NXPH2: variants seen among roughly 807,000 people sequenced by gnomAD.
NXPH2 encodes neurexophilin-2.
A neutral mutation model predicts 19.8 loss-of-function variants in NXPH2; 5 were observed. The ratio of observed to expected loss-of-function variants is 0.25; its 90% CI spans 0.13 to 0.53. The LOEUF (loss-of-function observed/expected upper bound fraction) is 0.53. NXPH2 is among the 20% of genes least tolerant of loss of function. The pLI is 0.96. For synonymous variants in NXPH2, 154 were observed against 127.4 expected, an observed-to-expected ratio of 1.21 and a Z score of -1.41; for missense variants, 289 against 322.8, an observed-to-expected ratio of 0.90 and a Z score of 0.80.
At chr2:138,727,884 C>T (rs1057409461) in intron 1 of NXPH2, among the ~76,000 whole-genome samples, 1 of 152,130 alleles carries the variant, frequency 6.6e-6, no homozygotes, top group African/African-American at 2.4e-5. Context: ...AAGACAAAGG[C>T]AGACATTACT....
At chr2:138,719,598 T>C (rs977441845) in intron 1 of NXPH2, among the ~76,000 whole-genome samples, 1 of 152,248 alleles carries the variant, frequency 6.6e-6, no homozygotes, top group East Asian at 1.9e-4. Flanking sequence ...CAGGGAGCTA[T>C]GGCTCATGCC....
chr2:138,729,397 C>G (rs1681410532), intron 1 of NXPH2, among the ~76,000 whole-genome samples: 3 of 152,170 alleles, frequency 2.0e-5, no homozygotes, highest in Admixed American at 1.3e-4. Context: ...TCCCCTTTGG[C>G]CTTGACTGTA....
intron 1 of NXPH2, among the ~76,000 whole-genome samples, chr2:138,729,925 T>C (rs1024661058): frequency 1.3e-5 from 2 of 152,170 alleles, no homozygotes; most frequent in Non-Finnish European, 2.9e-5. Flanking sequence ...TACCACAGAC[T>C]GGGAGGCTTA....
At chr2:138,685,320 CTCTA>C (rs1164152944) in intron 1 of NXPH2, among the ~76,000 whole-genome samples, 1 of 152,150 alleles carries the variant, frequency 6.6e-6, no homozygotes, top group Non-Finnish European at 1.5e-5. Context: ...ATATCTACCT[CTCTA>C]TCTTACTGTT....
intron 1 of NXPH2, among the ~76,000 whole-genome samples, chr2:138,710,834 C>T (rs1346994745): frequency 3.3e-5 from 5 of 152,122 alleles, no homozygotes; most frequent in Admixed American, 2.0e-4. Context: ...ACCTCTGACT[C>T]CATAACTCAT....
At chr2:138,736,450 G>A (rs1177308472) in intron 1 of NXPH2, among the ~76,000 whole-genome samples, 1 of 152,194 alleles carries the variant, frequency 6.6e-6, no homozygotes, top group Non-Finnish European at 1.5e-5. Context: ...ATTTGACCCT[G>A]TCAGCCACAG....
chr2:138,719,209 T>TA (rs1681240238), intron 1 of NXPH2, among the ~76,000 whole-genome samples: 1 of 152,128 alleles, frequency 6.6e-6, no homozygotes, highest in Non-Finnish European at 1.5e-5. Flanking sequence ...TCTATATATA[T>TA]TTTTGTGGAA....
chr2:138,694,642 T>C (rs984616581), intron 1 of NXPH2, among the ~76,000 whole-genome samples: 2 of 152,200 alleles, frequency 1.3e-5, no homozygotes, highest in Non-Finnish European at 1.5e-5. Context: ...AGGGAATTTC[T>C]GTTGTTTTAA....
At chr2:138,685,126 A>G (rs1680628705) in intron 1 of NXPH2, among the ~76,000 whole-genome samples, 1 of 152,192 alleles carries the variant, frequency 6.6e-6, no homozygotes, top group African/African-American at 2.4e-5. Context: ...GGTTGGCCTT[A>G]TTCAATCAGC....
chr2:138,705,995 C>T (rs1681004107), intron 1 of NXPH2, among the ~76,000 whole-genome samples: 1 of 152,160 alleles, frequency 6.6e-6, no homozygotes, highest in Non-Finnish European at 1.5e-5. Context: ...ATTCCAGAAA[C>T]ATTTATTAAA....
At chr2:138,673,130 C>T (rs865953717) in intron 1 of NXPH2, among the ~76,000 whole-genome samples, 3 of 152,082 alleles carry the variant, frequency 2.0e-5, no homozygotes, top group African/African-American at 4.8e-5. Flanking sequence ...GATTTTCTTC[C>T]GCATTCCTGG....
At chr2:138,674,234 A>G (rs1345832441) in intron 1 of NXPH2, among the ~76,000 whole-genome samples, 3 of 151,912 alleles carry the variant, frequency 2.0e-5, no homozygotes, top group South Asian at 2.1e-4. Flanking sequence ...GCTTACTACA[A>G]TCTCCACCTC....
At chr2:138,702,441 A>G (rs1397923887) in intron 1 of NXPH2, among the ~76,000 whole-genome samples, 2 of 150,214 alleles carry the variant, frequency 1.3e-5, no homozygotes, top group African/African-American at 2.5e-5. Flanking sequence ...CTGTTAGTGT[A>G]TTCCATACTT....
At chr2:138,753,049 C>T (rs762780356) in intron 1 of NXPH2, among the ~76,000 whole-genome samples, 8 of 152,088 alleles carry the variant, frequency 5.3e-5, no homozygotes, top group Non-Finnish European at 1.0e-4. Flanking sequence ...GGTATTGTCT[C>T]GAAGGAAGTT....
chr2:138,711,846 A>T (rs1237033616), intron 1 of NXPH2, among the ~76,000 whole-genome samples: 1 of 152,126 alleles, frequency 6.6e-6, no homozygotes, highest in Non-Finnish European at 1.5e-5. Context: ...TTGTTTAAGG[A>T]TAGTGTTTCC....
At chr2:138,715,091 C>T (rs556626671) in intron 1 of NXPH2, among the ~76,000 whole-genome samples, 7 of 152,218 alleles carry the variant, frequency 4.6e-5, no homozygotes, top group East Asian at 1.9e-4. Context: ...TACTCTCATC[C>T]GAGCATGCTA....
intron 1 of NXPH2, among the ~76,000 whole-genome samples, chr2:138,737,906 C>G (rs930694772): frequency 6.6e-6 from 1 of 151,388 alleles, no homozygotes; most frequent in Non-Finnish European, 1.5e-5. Flanking sequence ...AAACAGAACA[C>G]CTTCATTTTC....
intron 1 of NXPH2, among the ~76,000 whole-genome samples, chr2:138,749,383 A>C (rs1681792415): frequency 6.6e-6 from 1 of 152,126 alleles, no homozygotes; most frequent in Non-Finnish European, 1.5e-5. Context: ...ACAACTAGTA[A>C]AGTTATTATT....
intron 1 of NXPH2, among the ~76,000 whole-genome samples, chr2:138,707,016 A>G (rs1014916633): frequency 1.3e-5 from 2 of 151,118 alleles, no homozygotes; most frequent in Non-Finnish European, 2.9e-5. Context: ...AAAACTATTA[A>G]GAGATAAAAG....
Sources: gnomAD v4.1 joint callset for allele counts (sites outside exome capture counted in the v4.1 genomes callset) on GRCh38, gnomAD v4.1.1 for gene constraint, MANE v1.5 for transcripts, NCBI Gene and HGNC (gene_info 2026-07-23, HGNC 2026-07-21) for gene names.